AGBL4: variants seen among roughly 807,000 people sequenced by gnomAD.
AGBL4 encodes the protein AGBL carboxypeptidase 4.
AGBL4 carries 58 observed loss-of-function variants against 66.4 expected under a neutral mutation model. The ratio of observed to expected loss-of-function variants is 0.87; its 90% CI spans 0.71 to 1.09. The LOEUF (loss-of-function observed/expected upper bound fraction) is 1.09. AGBL4 is among the 50% of genes least tolerant of loss of function. AGBL4 has a pLI of 0.00. For missense variants in AGBL4, 579 were observed against 631.0 expected (o/e 0.92, Z 0.88); for synonymous variants, 234 against 222.9 (o/e 1.05, Z -0.44).
At chr1:49,793,664 G>A (rs1406742301) in intron 2 of AGBL4, among the ~76,000 whole-genome samples, 2 of 151,794 alleles carry the variant, frequency 1.3e-5, no homozygotes, top group African/African-American at 4.8e-5. Flanking sequence ...TTTTTTTAAT[G>A]TCTATGATAA....
intron 1 of AGBL4, among the ~76,000 whole-genome samples, chr1:49,944,338 C>T (rs528261753): frequency 6.6e-6 from 1 of 152,232 alleles, no homozygotes; most frequent in East Asian, 1.9e-4. Flanking sequence ...ATGGTGGTAT[C>T]CACGGCTAAG....
At chr1:48,663,277 G>A (rs753234494) in intron 6 of AGBL4, 36 bp from the exon 7 acceptor site, 1 of 1,606,558 alleles carries the variant, frequency 6.2e-7, no homozygotes, top group Non-Finnish European at 8.5e-7. Flanking sequence ...GCTAAGGAGG[G>A]CAAGAAAAGC....
intron 4 of AGBL4, among the ~76,000 whole-genome samples, chr1:49,078,778 A>T (rs1465042552): frequency 6.6e-6 from 1 of 152,080 alleles, no homozygotes; most frequent in Non-Finnish European, 1.5e-5. Context: ...TTTTGTCTTC[A>T]ATCTTGCTTT....
chr1:49,245,929 G>C (rs1182695174), intron 3 of AGBL4, 65 bp from the exon 4 acceptor site: 7 of 1,229,052 alleles, frequency 5.7e-6, no homozygotes, highest in Non-Finnish European at 8.1e-6. Context: ...TGATAATTAA[G>C]ACAGGAAATA....
chr1:48,979,639 T>A (rs1659593802), intron 5 of AGBL4, among the ~76,000 whole-genome samples: 3 of 152,096 alleles, frequency 2.0e-5, no homozygotes, highest in Non-Finnish European at 4.4e-5. Context: ...TGTTTTTTTT[T>A]AATTTGGGGG....
chr1:49,548,581 T>C (rs1169271266), intron 3 of AGBL4, among the ~76,000 whole-genome samples: 1 of 152,262 alleles, frequency 6.6e-6, no homozygotes, highest in Non-Finnish European at 1.5e-5. Flanking sequence ...ATCACATTTA[T>C]TGACTTGCAT....
intron 1 of AGBL4, among the ~76,000 whole-genome samples, chr1:49,927,240 A>C (rs1454565599): frequency 6.6e-6 from 1 of 152,190 alleles, no homozygotes; most frequent in African/African-American, 2.4e-5. Context: ...AATCAAATCA[A>C]GTTGACACTG....
intron 3 of AGBL4, among the ~76,000 whole-genome samples, chr1:49,509,082 A>C (rs1182173494): frequency 6.6e-6 from 1 of 151,900 alleles, no homozygotes; most frequent in African/African-American, 2.4e-5. Context: ...AAACTGTGTT[A>C]GTATTCAAAT....
intron 3 of AGBL4, among the ~76,000 whole-genome samples, chr1:49,377,319 T>C (rs926023921): frequency 3.9e-5 from 6 of 152,086 alleles, no homozygotes; most frequent in African/African-American, 1.4e-4. Context: ...GAAATAATTC[T>C]TATCTCTTTT....
chr1:49,059,246 C>T (rs1644359728), intron 4 of AGBL4, among the ~76,000 whole-genome samples: 1 of 152,240 alleles, frequency 6.6e-6, no homozygotes, highest in Admixed American at 6.5e-5. Flanking sequence ...CTGCTCCCAG[C>T]TGCTTCAGCT....
At chr1:49,685,684 G>T (rs1646775428) in intron 3 of AGBL4, among the ~76,000 whole-genome samples, 1 of 152,024 alleles carries the variant, frequency 6.6e-6, no homozygotes, top group Admixed American at 6.6e-5. Flanking sequence ...TAAGCTTGTT[G>T]GCCCTTTGTA....
chr1:49,114,307 C>T (rs894613093), intron 4 of AGBL4, among the ~76,000 whole-genome samples: 1 of 152,166 alleles, frequency 6.6e-6, no homozygotes, highest in Non-Finnish European at 1.5e-5. Flanking sequence ...CCAACCTCTG[C>T]TAACTTCAAA....
chr1:49,620,190 C>A (rs1645331405), intron 3 of AGBL4, among the ~76,000 whole-genome samples: 1 of 152,076 alleles, frequency 6.6e-6, no homozygotes, highest in Non-Finnish European at 1.5e-5. Flanking sequence ...AGGCAACCTG[C>A]AGAATGGGAG....
At chr1:48,770,272 T>C (rs1339472891) in intron 6 of AGBL4, among the ~76,000 whole-genome samples, 1 of 152,216 alleles carries the variant, frequency 6.6e-6, no homozygotes, top group Non-Finnish European at 1.5e-5. Flanking sequence ...TCCTATCCTA[T>C]GTCTGACCAA....
intron 3 of AGBL4, among the ~76,000 whole-genome samples, chr1:49,396,459 A>G (rs1644977350): frequency 6.6e-6 from 1 of 152,166 alleles, no homozygotes; most frequent in African/African-American, 2.4e-5. Context: ...ATCTGATGTC[A>G]CCATATATAA....
intron 11 of AGBL4, among the ~76,000 whole-genome samples, chr1:48,544,913 T>C (rs1644134738): frequency 6.6e-6 from 1 of 152,150 alleles, no homozygotes; most frequent in Non-Finnish European, 1.5e-5. Flanking sequence ...AGCTATTGTT[T>C]TAAGCCACTA....
intron 4 of AGBL4, among the ~76,000 whole-genome samples, chr1:49,119,500 G>T (rs1251084369): frequency 6.6e-6 from 1 of 152,158 alleles, no homozygotes; most frequent in East Asian, 1.9e-4. Flanking sequence ...CCATGTAGTT[G>T]TGTGGTTTTG....
intron 3 of AGBL4, among the ~76,000 whole-genome samples, chr1:49,535,338 A>T (rs1651486830): frequency 6.8e-6 from 1 of 148,066 alleles, no homozygotes; most frequent in Admixed American, 6.8e-5. Context: ...ATAATATGTA[A>T]TATGACATAA....
At chr1:48,986,215 G>A (rs1660164317) in intron 5 of AGBL4, among the ~76,000 whole-genome samples, 1 of 152,008 alleles carries the variant, frequency 6.6e-6, no homozygotes. Flanking sequence ...TGGAATCCTT[G>A]AAAGCAGGGC....
Sources: gnomAD v4.1 joint callset for allele counts (sites outside exome capture counted in the v4.1 genomes callset) on GRCh38, gnomAD v4.1.1 for gene constraint, MANE v1.5 for transcripts, NCBI Gene and HGNC (gene_info 2026-07-23, HGNC 2026-07-21) for gene names.